The following ETS1 variants were observed in gnomAD, a reference collection of about 807,000 sequenced individuals.
ETS1 encodes the protein protein C-ets-1.
In ETS1, 15 loss-of-function variants were observed where a neutral mutation model predicts 58.6. The observed-to-expected ratio is 0.26, with a 90% CI of 0.17 to 0.39. ETS1 has a LOEUF of 0.39. Ranked by LOEUF, ETS1 falls within the 10% of genes least tolerant of loss-of-function variation. ETS1 has a pLI of 1.00. For missense variants in ETS1, 417 were observed against 610.5 expected, an observed-to-expected ratio of 0.68 and a Z score of 3.34; for synonymous variants, 214 against 218.2, an observed-to-expected ratio of 0.98 and a Z score of 0.17.
At chr11:128,535,039 C>T (rs541310534) in intron 3 of ETS1, among the ~76,000 whole-genome samples, 2 of 152,260 alleles carry the variant, frequency 1.3e-5, no homozygotes, top group East Asian at 3.9e-4. Context: ...TTCACATTTC[C>T]ACCAGTAGTG....
Position 128,509,549 on chromosome 11 carries a change from AATTT to A in ETS1, c.215-18977_215-18974del, listed in dbSNP as rs143190350. ...AAATGCACCATGGAAATCAGGTGAA[AATTT>A]TTTTTTTTTTTTTTTTTTTTTTTAC... is the stretch of plus-strand genomic sequence containing the variant. On this transcript the variant is annotated intron_variant, in intron 3 of 9. Transcript: ENST00000392668. Among the ~76,000 whole-genome samples, 76 of 129,682 alleles carry A rather than the reference AATTT, an allele frequency of 5.9e-4. 4 individuals carry two copies. Among genetic ancestry groups the A allele is most frequent in the Admixed American group, 8.8e-4 (11 of 12,488 alleles). The allele number at this position is 129,682 out of a possible 152,430, so 85.1% of individuals were successfully genotyped here.
chr11:128,552,894 G>A (rs1442391431), intron 3 of ETS1, among the ~76,000 whole-genome samples: 2 of 152,192 alleles, frequency 1.3e-5, no homozygotes, highest in African/African-American at 2.4e-5. Flanking sequence ...ACGGTAAAAC[G>A]TCAGTGAGCT....
Position 128,480,386 on chromosome 11 carries a change from G to A in ETS1, c.928C>T (p.Gln310Ter). Residue 310 changes from glutamine to a stop codon, truncating the protein, a stop_gained, in exon 8 of 10, where the codon CAG becomes TAG. Coordinates refer to ENST00000392668, the MANE Select transcript of ETS1 (RefSeq NM_001143820.2). LOFTEE classifies it high-confidence loss of function. The stretch of plus-strand genomic sequence containing the variant: ...AAAGATGACTGGCTGCTCCAGGACT[G>A]GGTGAGGCGATCACAACTATCGTAG... The part of the protein sequence containing the change: ...ESYDSCDRLT[Q>*]SWSSQSSFNS... 1 of 1,614,058 alleles carries A rather than the reference G, an allele frequency of 6.2e-7. No individual in the cohort carries two copies. The highest frequency in any genetic ancestry group is 8.5e-7 in the Non-Finnish European group (1 of 1,179,970).
intron 2 of ETS1, among the ~76,000 whole-genome samples, chr11:128,568,248 G>A (rs1864545596): frequency 6.6e-6 from 1 of 152,124 alleles, no homozygotes; most frequent in Admixed American, 6.5e-5. Context: ...CATCCTCCTT[G>A]CCGGTGAGAC....
intron 3 of ETS1, among the ~76,000 whole-genome samples, chr11:128,550,734 G>A (rs1488933725): frequency 6.6e-6 from 1 of 152,150 alleles, no homozygotes; most frequent in Non-Finnish European, 1.5e-5. Context: ...AGCCATCCAG[G>A]CAGAATCCAA....
intron 3 of ETS1, among the ~76,000 whole-genome samples, chr11:128,519,036 G>C (rs370830503): frequency 2.6e-5 from 4 of 152,222 alleles, no homozygotes; most frequent in Admixed American, 1.3e-4. Flanking sequence ...GCTCCACCAG[G>C]AGAGAACCAG....
Position 128,502,252 on chromosome 11 carries a change from G to A in ETS1, c.215-11676C>T, listed in dbSNP as rs551551559. On this transcript the variant is annotated intron_variant, in intron 3 of 9. Transcript: ENST00000392668. ...TTAGAAATGGGCTTCTTTTTTCTTC[G>A]TATAGTTGCTTCTTAGCCTAGAGGT... is the stretch of plus-strand genomic sequence containing the variant. 4.5e-4 allele frequency among the ~76,000 whole-genome samples: 68 copies of A among 152,246 alleles called. 1 individual carries two copies. The highest frequency in any genetic ancestry group is 1.5e-3 in the African/African-American group (61 of 41,530).
intron 2 of ETS1, among the ~76,000 whole-genome samples, chr11:128,570,084 G>T (rs753554958): frequency 2.0e-5 from 3 of 152,038 alleles, no homozygotes; most frequent in African/African-American, 4.8e-5. Flanking sequence ...TTTGGTTTGG[G>T]ATTTTTTTAT....
At chr11:128,505,881 A>G (rs1863215572) in intron 3 of ETS1, among the ~76,000 whole-genome samples, 1 of 152,184 alleles carries the variant, frequency 6.6e-6, no homozygotes, top group Non-Finnish European at 1.5e-5. Flanking sequence ...CCCGGACTGA[A>G]CTGTCTGCAT....
intron 3 of ETS1, among the ~76,000 whole-genome samples, chr11:128,507,277 A>C (rs1460267658): frequency 6.6e-6 from 1 of 152,040 alleles, no homozygotes; most frequent in African/African-American, 2.4e-5. Flanking sequence ...GGGAGAGGGA[A>C]GGAGAGGGAG....
At chr11:128,539,944 T>C (rs1361925967) in intron 3 of ETS1, among the ~76,000 whole-genome samples, 4 of 152,084 alleles carry the variant, frequency 2.6e-5, no homozygotes, top group African/African-American at 9.7e-5. Flanking sequence ...CCAGTAGCTG[T>C]TGAGGTGTGG....
chr11:128,485,221 T>C (rs940604789), intron 6 of ETS1, 150 bp from the exon 7 acceptor site: 5 of 648,304 alleles, frequency 7.7e-6, no homozygotes, highest in African/African-American at 1.8e-5. Flanking sequence ...ATTTTTAACC[T>C]TGTCCACTAC....
At chr11:128,539,377 C>T (rs551727463) in intron 3 of ETS1, among the ~76,000 whole-genome samples, 17 of 152,192 alleles carry the variant, frequency 1.1e-4, no homozygotes, top group African/African-American at 2.6e-4. Flanking sequence ...AATTTAAAAA[C>T]GGGCCAAGGA....
intron 2 of ETS1, among the ~76,000 whole-genome samples, chr11:128,564,450 T>C (rs1864456788): frequency 6.6e-6 from 1 of 152,124 alleles, no homozygotes. Context: ...ATGCTCTTAA[T>C]GCAAAGCTGT....
At chr11:128,535,425 C>T (rs1591648422) in intron 3 of ETS1, among the ~76,000 whole-genome samples, 2 of 152,080 alleles carry the variant, frequency 1.3e-5, no homozygotes, top group Non-Finnish European at 2.9e-5. Flanking sequence ...GAAGCTCTTT[C>T]ATTTAATTAG....
intron 3 of ETS1, among the ~76,000 whole-genome samples, chr11:128,547,213 G>A (rs937928770): frequency 4.6e-5 from 7 of 152,200 alleles, no homozygotes; most frequent in Admixed American, 2.0e-4. Context: ...TGTGCACTGC[G>A]TACTCTAGAA....
chr11:128,493,928 G>A (rs1862870700), intron 3 of ETS1, among the ~76,000 whole-genome samples: 1 of 152,146 alleles, frequency 6.6e-6, no homozygotes, highest in Non-Finnish European at 1.5e-5. Flanking sequence ...CAAAAACAAT[G>A]ACAAAATCAT....
At chr11:128,577,555 A>G (rs1223126129) in intron 1 of ETS1, among the ~76,000 whole-genome samples, 1 of 152,228 alleles carries the variant, frequency 6.6e-6, no homozygotes, top group Admixed American at 6.5e-5. Context: ...TAACTGTTAA[A>G]TACAATAGTG....
In ETS1 at chr11:128,573,158, G is replaced by T. The variant is rs537186264; in HGVS notation, c.-14-14C>A. 18 of 1,549,402 alleles carry T rather than the reference G, an allele frequency of 1.2e-5. No individual in the cohort carries two copies. The African/African-American group carries it at 1.8e-4, about 15-fold the overall frequency. On this transcript the variant is annotated splice_polypyrimidine_tract_variant and intron_variant, in intron 1 of 9. Coordinates refer to ENST00000392668, the MANE Select transcript of ETS1 (RefSeq NM_001143820.2). ...TGCTCTCAGCACCTGTGTGAGAGAA[G>T]GCGTTGGCTGAGCCTCTGGATGCTC...
Sources: gnomAD v4.1 joint callset for allele counts (sites outside exome capture counted in the v4.1 genomes callset) on GRCh38, gnomAD v4.1.1 for gene constraint, MANE v1.5 for transcripts, NCBI Gene and HGNC (gene_info 2026-07-23, HGNC 2026-07-21) for gene names.